The following MAML1 variants were observed in gnomAD, a reference collection of about 807,000 sequenced individuals.
MAML1 encodes mastermind like transcriptional coactivator 1.
In MAML1, 14 loss-of-function variants were observed where a neutral mutation model predicts 77.1. That is an observed-to-expected ratio of 0.18 (90% confidence interval 0.12 to 0.28). The LOEUF (loss-of-function observed/expected upper bound fraction) is 0.28. Among genes scored for constraint, MAML1 ranks in the 10% least tolerant of loss-of-function variants. The pLI is 1.00. For synonymous variants in MAML1, 516 were observed against 551.9 expected (o/e 0.93, Z 0.91); for missense variants, 1,217 against 1,327.8 (o/e 0.92, Z 1.30).
rs1755989844 is a variant in MAML1, at chr5:179,771,499, C to G, written c.2068+256C>G. On this transcript the variant is annotated intron_variant, in intron 4 of 4. Transcript: ENST00000292599. This position sits in a 1 kb window ranked among gnomAD's most constrained non-coding sequence, Gnocchi z 4.7. ...ACAGTTTTCTGAAGCAAAATCATTT[C>G]TAGTTGGAGGACATCTTATCAGCAG... Among the ~76,000 whole-genome samples, 1 of 152,194 alleles carries G rather than the reference C, an allele frequency of 6.6e-6. No homozygotes were observed. The highest frequency in any genetic ancestry group is 1.5e-5 in the Non-Finnish European group (1 of 68,038).
chr5:179,769,097 G>A lies in MAML1; in HGVS notation c.1971+8G>A. 1 of 1,613,456 alleles carries A rather than the reference G, an allele frequency of 6.2e-7. No individual in the cohort carries two copies. The highest frequency in any genetic ancestry group is 1.7e-5 in the Admixed American group (1 of 59,960). ...CACCTTCTCGCGGAACAGGTAAAAAGAAAAGTGGAAGGAAACCACCGCTTC... is the reference window on the plus strand; with the variant it reads ...CACCTTCTCGCGGAACAGGTAAAAAAAAAAGTGGAAGGAAACCACCGCTTC... On this transcript the variant is annotated splice_region_variant and intron_variant, in intron 3 of 4. Transcript: ENST00000292599. The surrounding 1 kb of genome is among the most constrained non-coding windows in gnomAD (Gnocchi z 4.2).
intron 4 of MAML1, among the ~76,000 whole-genome samples, chr5:179,773,043 CCTGG>C (rs1212325488): frequency 2.6e-5 from 4 of 152,166 alleles, no homozygotes; most frequent in Admixed American, 6.5e-5. Context: ...CGCCGCCACG[CCTGG>C]CTAATTTTTG....
intron 1 of MAML1, among the ~76,000 whole-genome samples, chr5:179,734,378 C>G (rs1054686146): frequency 2.0e-5 from 3 of 152,174 alleles, no homozygotes; most frequent in East Asian, 3.9e-4. Context: ...AAATCCTTCT[C>G]TTGCTTGAAA....
At chr5:179,734,194 G>C (rs981776627) in intron 1 of MAML1, among the ~76,000 whole-genome samples, 2 of 152,198 alleles carry the variant, frequency 1.3e-5, no homozygotes, top group Non-Finnish European at 2.9e-5. Context: ...AGGTTTTTCA[G>C]TGGTTTTCTT....
At chr5:179,739,222 A>G (rs1779230566) in intron 1 of MAML1, among the ~76,000 whole-genome samples, 1 of 152,092 alleles carries the variant, frequency 6.6e-6, no homozygotes, top group Non-Finnish European at 1.5e-5. Flanking sequence ...AATTAACACA[A>G]ATTATAATAT....
chr5:179,738,783 C>CTTT (rs11299146), intron 1 of MAML1, among the ~76,000 whole-genome samples: 1 of 146,388 alleles, frequency 6.8e-6, no homozygotes. Flanking sequence ...TTATTGGCAT[C>CTTT]TTTTTTTTTT....
At chr5:179,753,238 CGT>C (rs1562559883) in intron 1 of MAML1, among the ~76,000 whole-genome samples, 1 of 150,998 alleles carries the variant, frequency 6.6e-6, no homozygotes, top group Non-Finnish European at 1.5e-5. Context: ...CGCGCGCGCG[CGT>C]GCTGGGGTGA....
rs551896999 is a variant in MAML1, at chr5:179,756,976, C to T, written c.316-8350C>T. Among the ~76,000 whole-genome samples the T allele has an allele frequency of 2.8e-4, 43 of 152,022 alleles. 1 individual carries two copies. The South Asian group carries it at 7.9e-3, about 28-fold the overall frequency. ...AAACCCAGCTGGGATTACAGGCGTG[C>T]GCCACCACGCCTGGCTAATTTTTGT... On this transcript the variant is annotated intron_variant, in intron 1 of 4. Transcript: ENST00000292599.
chr5:179,745,486 C>T (rs935021880), intron 1 of MAML1, among the ~76,000 whole-genome samples: 1 of 151,502 alleles, frequency 6.6e-6, no homozygotes, highest in Admixed American at 6.6e-5. Context: ...GAGGCAGAGG[C>T]GGGCGGATCA....
At chr5:179,744,206 A>G (rs1779338105) in intron 1 of MAML1, among the ~76,000 whole-genome samples, 1 of 152,140 alleles carries the variant, frequency 6.6e-6, no homozygotes, top group South Asian at 2.1e-4. Flanking sequence ...CTTCTTCAAG[A>G]TGGAGTCTTG....
Position 179,774,394 on chromosome 5 carries a change from C to A in MAML1, c.2568C>A (p.Asn856Lys). The A allele has an allele frequency of 1.9e-6, 3 of 1,613,174 alleles. No homozygotes were observed. The highest frequency in any genetic ancestry group is 2.5e-6 in the Non-Finnish European group (3 of 1,180,040). The change falls in exon 5 of 5, where the codon AAC (asparagine) becomes AAA (lysine). Residue 856 changes from asparagine to lysine, a missense_variant. Around this residue, in one of 3 missense-constraint regions of MAML1, gnomAD observed 884 missense variants for 949.3 expected, o/e 0.93. Coordinates refer to ENST00000292599, the MANE Select transcript of MAML1 (RefSeq NM_014757.5). ...GTGGCCAGACCCCAGGGAACAGCAACGTGAGTCCCTTCACTGCAGCCTCCA... is the reference window on the plus strand; with the variant it reads ...GTGGCCAGACCCCAGGGAACAGCAAAGTGAGTCCCTTCACTGCAGCCTCCA... Reference protein sequence around the residue: ...NLSGQTPGNSNVSPFTAASSF... With the variant: ...NLSGQTPGNSKVSPFTAASSF...
At chr5:179,752,340 A>ATATATATATATATATATATATATAT (rs1413175645) in intron 1 of MAML1, among the ~76,000 whole-genome samples, 1 of 53,496 alleles carries the variant, frequency 1.9e-5, no homozygotes, top group Non-Finnish European at 4.3e-5. Flanking sequence ...AAAAAAAAAA[A>ATATATATATATATATATATATATAT]AAAAAAAAAA....
At chr5:179,736,765 C>G (rs1779178430) in intron 1 of MAML1, among the ~76,000 whole-genome samples, 1 of 151,616 alleles carries the variant, frequency 6.6e-6, no homozygotes, top group African/African-American at 2.4e-5. Flanking sequence ...AGTTCGAGAC[C>G]AGCCTGGCTA....
chr5:179,735,548 C>T (rs1779149610), intron 1 of MAML1, among the ~76,000 whole-genome samples: 1 of 151,686 alleles, frequency 6.6e-6, no homozygotes, highest in South Asian at 2.1e-4. Context: ...CCACCATGCC[C>T]AGCTAATAAT....
chr5:179,736,247 T>G (rs568455814), intron 1 of MAML1, among the ~76,000 whole-genome samples: 12 of 152,164 alleles, frequency 7.9e-5, no homozygotes, highest in Non-Finnish European at 1.3e-4. Context: ...ACAACTCTTG[T>G]AAGGAGGGAC....
At chr5:179,733,966 G>T (rs567423894) in intron 1 of MAML1, among the ~76,000 whole-genome samples, 1 of 152,204 alleles carries the variant, frequency 6.6e-6, no homozygotes, top group African/African-American at 2.4e-5. Context: ...TCAATGAGTT[G>T]CATATAAGTA....
intron 1 of MAML1, among the ~76,000 whole-genome samples, chr5:179,759,252 A>T (rs1329504249): frequency 3.3e-5 from 5 of 152,092 alleles, no homozygotes; most frequent in Non-Finnish European, 7.4e-5. Context: ...TCGGCAGCAG[A>T]CCCCAGCATT....
intron 1 of MAML1, among the ~76,000 whole-genome samples, chr5:179,751,523 G>A (rs1220723422): frequency 6.6e-6 from 1 of 152,098 alleles, no homozygotes; most frequent in African/African-American, 2.4e-5. Context: ...TGGCCAGCAT[G>A]GCGAAAGCCC....
chr5:179,765,370 C>T lies in MAML1; in HGVS notation c.360C>T (p.Ser120=), dbSNP rs1354336654. The change falls in exon 2 of 5, where the codon TCC becomes TCT. Residue 120 remains serine, a synonymous_variant. Coordinates refer to ENST00000292599, the MANE Select transcript of MAML1 (RefSeq NM_014757.5). The stretch of plus-strand genomic sequence containing the variant: ...AGAGGAATCTTGACAGCGCCACTTC[C>T]CCTCAGAATGGCGATCAACAGAATG... ...TVKRNLDSAT[S]PQNGDQQNGY... is the part of the protein sequence containing the mutation. The T allele has an allele frequency of 6.2e-7, 1 of 1,610,824 alleles. No homozygotes were observed. Among genetic ancestry groups the T allele is most frequent in the South Asian group, 1.1e-5 (1 of 90,600 alleles).
Sources: allele counts gnomAD v4.1 joint callset (sites outside exome capture counted in the v4.1 genomes callset), GRCh38; gene constraint gnomAD v4.1.1; regional missense constraint gnomAD v4.1.1; non-coding constraint Gnocchi (gnomAD v3.1); transcripts MANE v1.5; gene names NCBI Gene and HGNC (gene_info 2026-07-23, HGNC 2026-07-21).